Variants in RBM10 observed in about 807,000 individuals in gnomAD.
RBM10 encodes the protein RNA-binding protein 10.
A neutral mutation model predicts 84.9 loss-of-function variants in RBM10; 1 was observed. That is an observed-to-expected ratio of 0.01 (90% CI 0.00 to 0.06). RBM10 has a LOEUF of 0.06. Among genes scored for constraint, RBM10 ranks in the 10% least tolerant of loss-of-function variants. The probability of loss-of-function intolerance (pLI) is 1.00; values close to 1 mark genes in which losing one functional copy is unlikely to be tolerated. For missense variants in RBM10, 438 were observed against 839.0 expected (o/e 0.52, Z 5.90); for synonymous variants, 326 against 344.5 (o/e 0.95, Z 0.60).
At chrX:47,168,031 C>T (rs1253084400) in intron 2 of RBM10, among the ~76,000 whole-genome samples, 1 of 112,074 alleles carries the variant, frequency 8.9e-6, no homozygotes, top group Non-Finnish European at 1.9e-5. Context: ...ATGTTGTTCC[C>T]GACCAGAATT....
chrX:47,170,391 G>A (rs1474382329), intron 3 of RBM10, among the ~76,000 whole-genome samples: 2 of 113,392 alleles, frequency 1.8e-5, no homozygotes, highest in Admixed American at 9.2e-5. Flanking sequence ...GGCCTGCTCT[G>A]CTTAGTCCTG....
chrX:47,171,316 C>T, intron 4 of RBM10, 58 bp downstream of exon 4: 1 of 1,189,343 alleles, frequency 8.4e-7, no homozygotes, highest in Non-Finnish European at 1.1e-6. Context: ...CCAGGGCCCT[C>T]AACTTCTCCC....
intron 2 of RBM10, among the ~76,000 whole-genome samples, chrX:47,158,862 C>G (rs781989140): frequency 6.9e-4 from 78 of 112,296 alleles, no homozygotes; most frequent in African/African-American, 2.4e-3. Context: ...TCTGATATTC[C>G]AATATTTACA....
chrX:47,161,791 C>CA (rs1933724207), intron 2 of RBM10, among the ~76,000 whole-genome samples: 2 of 111,187 alleles, frequency 1.8e-5, no homozygotes, highest in African/African-American at 6.5e-5. Flanking sequence ...CTCATCCTCC[C>CA]AAAGTGCTGG....
chrX:47,165,745 G>A (rs782408504), intron 2 of RBM10, among the ~76,000 whole-genome samples: 1 of 110,860 alleles, frequency 9.0e-6, no homozygotes, highest in Non-Finnish European at 1.9e-5. Flanking sequence ...CTTGAGGCCC[G>A]GCCCAGTGGC....
At position 47,185,306 on chromosome X, in the gene RBM10, C is replaced by T. The variant is rs1170926545; in HGVS notation, c.2105C>T (p.Ala702Val). 1 of 1,210,980 alleles carries T rather than the reference C, an allele frequency of 8.3e-7. No individual in the cohort carries two copies. The highest frequency in any genetic ancestry group is 1.1e-6 in the Non-Finnish European group (1 of 895,034). The part of the protein sequence containing the change: ...AGYAILEKKG[A>V]LAERQHTSMD... ...TTCTGTGTCCCTCCACCCCAGGGAG[C>T]ACTAGCCGAGAGACAGCACACCAGC... Residue 702 changes from alanine (A) to valine (V), a missense_variant, in exon 19 of 24, where the codon GCA (alanine) becomes GTA (valine). Physicochemically the swap from Ala to Val is moderately conservative, Grantham distance 64 (BLOSUM62 0). Transcript: ENST00000377604.
At chrX:47,175,505 G>T (rs1377962196) in intron 6 of RBM10, among the ~76,000 whole-genome samples, 1 of 111,376 alleles carries the variant, frequency 9.0e-6, no homozygotes, top group East Asian at 2.8e-4. Flanking sequence ...TGCCAGTGAG[G>T]AGCTTAGCTA....
intron 2 of RBM10, 30 bp downstream of exon 2, chrX:47,147,528 A>T (rs2147066404): frequency 8.3e-7 from 1 of 1,207,604 alleles, no homozygotes; most frequent in Non-Finnish European, 1.1e-6. Context: ...CTTCCCAGAC[A>T]GCCTAGGCTT....
intron 2 of RBM10, chrX:47,157,878 C>T: frequency 3.4e-6 from 1 of 293,807 alleles, no homozygotes; most frequent in African/African-American, 2.7e-5. Context: ...CCCCCAGGTT[C>T]AAGCGATTCT....
At chrX:47,157,019 C>T (rs1933207390) in intron 2 of RBM10, 2 of 293,282 alleles carry the variant, frequency 6.8e-6, no homozygotes, top group Non-Finnish European at 6.6e-6. Context: ...CATGCTGCCC[C>T]ATCTGGTTGT....
At chrX:47,179,538 G>A (rs1423033280) in intron 9 of RBM10, 43 bp downstream of exon 9, 21 of 1,161,974 alleles carry the variant, frequency 1.8e-5, no homozygotes, top group Non-Finnish European at 2.4e-5. Flanking sequence ...TAGGGTGTCG[G>A]GCTGGGCTCA....
Position 47,181,962 on chromosome X carries a change from G to A in RBM10, c.1705G>A (p.Val569Ile), listed in dbSNP as rs782440714. Residue 569 changes from valine (V) to isoleucine (I), a missense_variant, in exon 16 of 24, where the codon GTC becomes ATC. Val to Ile is a conservative substitution (Grantham distance 29). Transcript: ENST00000377604. ...ESYSQYPVPDVSTYQYDETSG... is the reference protein window; with the variant it reads ...ESYSQYPVPDISTYQYDETSG... ...CCCTCACCCCCTAGCTGTTCCCGAC[G>A]TCTCTACCTACCAGTACGATGAGAC... is the stretch of plus-strand genomic sequence containing the variant. The A allele has an allele frequency of 2.0e-4, 238 of 1,208,846 alleles. No individual in the cohort carries two copies. The highest frequency in any genetic ancestry group is 2.6e-4 in the Non-Finnish European group (232 of 894,964).
chrX:47,173,567 C>G (rs1934838468), intron 5 of RBM10, among the ~76,000 whole-genome samples: 1 of 112,472 alleles, frequency 8.9e-6, no homozygotes, highest in South Asian at 3.6e-4. Flanking sequence ...CCCTCACTTT[C>G]CCCCACATTT....
intron 17 of RBM10, 80 bp downstream of exon 17, chrX:47,182,406 C>T (rs916202971): frequency 1.7e-6 from 2 of 1,143,203 alleles, no homozygotes; most frequent in Non-Finnish European, 2.3e-6. Context: ...CTTGCCCTCT[C>T]CTGCCAAGGG....
chrX:47,180,347 T>TCCCCCCCCCCC, intron 11 of RBM10, 38 bp downstream of exon 11: 3 of 210,706 alleles, frequency 1.4e-5, no homozygotes, highest in Non-Finnish European at 2.3e-5. Flanking sequence ...ACCCTTCCCC[T>TCCCCCCCCCCC]CCCCACCCTC....
intron 2 of RBM10, among the ~76,000 whole-genome samples, chrX:47,155,970 T>G (rs1933107325): frequency 9.3e-6 from 1 of 107,006 alleles, no homozygotes; most frequent in Non-Finnish European, 1.9e-5. Context: ...CCACCACACC[T>G]GGCTAATTTT....
intron 5 of RBM10, among the ~76,000 whole-genome samples, chrX:47,173,780 G>A (rs1373714161): frequency 9.2e-6 from 1 of 108,533 alleles, no homozygotes; most frequent in African/African-American, 3.4e-5. Flanking sequence ...GTGGTGGGGG[G>A]AGTTGTCTCT....
In RBM10 at chrX:47,181,698, G is replaced by A. The variant is rs375313150; in HGVS notation, c.1576-51G>A. 35 of 1,207,667 alleles carry A rather than the reference G, an allele frequency of 2.9e-5. No individual in the cohort carries two copies. In the East Asian group the frequency reaches 7.1e-4, roughly 25 times the overall value. ...CCGGGGAGGCAGGCAGGCGGCAGGG[G>A]TGGCATGGGCAGACACTGAGCCCTG... On this transcript the variant is annotated intron_variant, in intron 14 of 23. Transcript: ENST00000377604.
chrX:47,165,286 C>T (rs782721290), intron 2 of RBM10, among the ~76,000 whole-genome samples: 4 of 108,805 alleles, frequency 3.7e-5, no homozygotes, highest in South Asian at 7.9e-4. Flanking sequence ...GAGGCCGAGA[C>T]GGGCGGATCA....
Sources: gnomAD v4.1 joint callset for allele counts (sites outside exome capture counted in the v4.1 genomes callset) on GRCh38, gnomAD v4.1.1 for gene constraint, MANE v1.5 for transcripts, NCBI Gene and HGNC (gene_info 2026-07-23, HGNC 2026-07-21) for gene names.